Variants in KALRN observed in about 807,000 individuals in gnomAD.
KALRN encodes the protein kalirin.
A neutral mutation model predicts 353.7 loss-of-function variants in KALRN; 70 were observed. The ratio of observed to expected loss-of-function variants is 0.20; its 90% CI spans 0.16 to 0.24. The LOEUF (loss-of-function observed/expected upper bound fraction) is 0.24. Ranked by LOEUF, KALRN falls within the 10% of genes least tolerant of loss-of-function variation. KALRN has a pLI of 1.00. For synonymous variants in KALRN, 1,391 were observed against 1,434.8 expected, an observed-to-expected ratio of 0.97 and a Z score of 0.69; for missense variants, 2,791 against 3,756.7, an observed-to-expected ratio of 0.74 and a Z score of 6.72.
chr3:124,297,991 T>C (rs72976536), intron 5 of KALRN, among the ~76,000 whole-genome samples: 1,968 of 152,358 alleles, frequency 0.013, 47 homozygotes, highest in African/African-American at 0.043. Context: ...CCTCATGTTT[T>C]ATTGTACTAA....
At chr3:124,586,477 C>T (rs558039374) in intron 34 of KALRN, among the ~76,000 whole-genome samples, 2 of 152,302 alleles carry the variant, frequency 1.3e-5, no homozygotes, top group East Asian at 3.9e-4. Flanking sequence ...GTCTTGCTGG[C>T]CCTTGCTTTG....
intron 1 of KALRN, among the ~76,000 whole-genome samples, chr3:124,056,730 G>A (rs543071498): frequency 1.5e-3 from 225 of 152,260 alleles, no homozygotes; most frequent in African/African-American, 4.7e-3. Flanking sequence ...AAATCCAGCC[G>A]CAACAAACCT....
chr3:124,657,745 C>A lies in KALRN; in HGVS notation c.5978C>A (p.Ala1993Glu), dbSNP rs138911697. The A allele has an allele frequency of 5.0e-6, 8 of 1,612,868 alleles. No homozygotes were observed. Among genetic ancestry groups the A allele is most frequent in the Non-Finnish European group, 6.8e-6 (8 of 1,178,988 alleles). The stretch of plus-strand genomic sequence containing the variant: ...CTTTCTCCTTTTAGTTTTTTCCTGG[C>A]GGAACTGGAAAAGTGTATCCAGGAG... The part of the protein sequence containing the change: ...IYDWHKDFFL[A>E]ELEKCIQEQD... The change falls in exon 41 of 60, where the codon GCG becomes GAG. Residue 1993 changes from alanine (A) to glutamate (E), a missense_variant. Physicochemically the swap from Ala to Glu is moderately radical, Grantham distance 107. Coordinates refer to ENST00000682506, the MANE Select transcript of KALRN (RefSeq NM_001388419.1).
At chr3:124,385,118 AC>A in intron 11 of KALRN, 82 bp downstream of exon 11, 1 of 1,266,306 alleles carries the variant, frequency 7.9e-7, no homozygotes, top group Non-Finnish European at 1.1e-6. Flanking sequence ...TGAAGGTCTG[AC>A]CAGGGTCCTG....
rs1206150219 is a variant in KALRN, at chr3:124,657,428, C to T, written c.5863-20C>T. 3.2e-6 allele frequency: 5 copies of T among 1,563,180 alleles called. No individual in the cohort carries two copies. In the Admixed American group the frequency reaches 5.0e-5, roughly 16 times the overall value. ...TTTCCTGTGAAAATATGCTACTAAC[C>T]ATTGCCTTTGCTGCTGCAGGGCTTC... On this transcript the variant is annotated intron_variant, in intron 39 of 59. Transcript: ENST00000682506.
intron 1 of KALRN, among the ~76,000 whole-genome samples, chr3:124,051,046 T>A (rs1203673491): frequency 6.6e-6 from 1 of 152,198 alleles, no homozygotes; most frequent in Non-Finnish European, 1.5e-5. Flanking sequence ...AAGAAAGGTT[T>A]AGAAATGAGG....
At chr3:124,521,515 C>T (rs1360344953) in intron 33 of KALRN, among the ~76,000 whole-genome samples, 1 of 152,150 alleles carries the variant, frequency 6.6e-6, no homozygotes, top group Non-Finnish European at 1.5e-5. Flanking sequence ...AACTGTTTTC[C>T]CTACCCTAAT....
At chr3:124,105,523 C>A (rs753215256) in intron 1 of KALRN, among the ~76,000 whole-genome samples, 2 of 151,972 alleles carry the variant, frequency 1.3e-5, no homozygotes, top group Non-Finnish European at 2.9e-5. Flanking sequence ...AAGAGAGATA[C>A]GAAGAGTATT....
At chr3:124,569,206 A>G (rs558253252) in intron 34 of KALRN, among the ~76,000 whole-genome samples, 1 of 152,064 alleles carries the variant, frequency 6.6e-6, no homozygotes, top group South Asian at 2.1e-4. Flanking sequence ...TCTAGAGGAG[A>G]GGGACAGTGG....
At chr3:124,634,842 C>T (rs1036699701) in intron 36 of KALRN, among the ~76,000 whole-genome samples, 3 of 152,172 alleles carry the variant, frequency 2.0e-5, no homozygotes, top group African/African-American at 7.2e-5. Flanking sequence ...GATGTGGCAG[C>T]TTGTCTACCT....
chr3:124,693,046 G>C (rs2061893864), intron 51 of KALRN, among the ~76,000 whole-genome samples: 1 of 152,332 alleles, frequency 6.6e-6, no homozygotes, highest in Non-Finnish European at 1.5e-5. Flanking sequence ...TATATACCAA[G>C]AGCCCTATCA....
intron 34 of KALRN, among the ~76,000 whole-genome samples, chr3:124,601,844 A>C (rs1028707874): frequency 5.5e-5 from 8 of 146,586 alleles, no homozygotes; most frequent in African/African-American, 2.0e-4. Flanking sequence ...AGCCTAGGCA[A>C]CATGGCGAAA....
At chr3:124,256,648 C>A (rs1166769301) in intron 3 of KALRN, among the ~76,000 whole-genome samples, 2 of 152,026 alleles carry the variant, frequency 1.3e-5, no homozygotes, top group Non-Finnish European at 2.9e-5. Flanking sequence ...CCTCACACAC[C>A]CACCCACCCA....
intron 10 of KALRN, among the ~76,000 whole-genome samples, chr3:124,368,289 C>T (rs1235128193): frequency 6.8e-6 from 1 of 147,308 alleles, no homozygotes; most frequent in Non-Finnish European, 1.5e-5. Flanking sequence ...GGCGGAGACG[C>T]TCCTCACTTC....
At chr3:124,645,936 C>T (rs1269042253) in intron 37 of KALRN, among the ~76,000 whole-genome samples, 3 of 152,080 alleles carry the variant, frequency 2.0e-5, no homozygotes, top group Non-Finnish European at 2.9e-5. Context: ...ACCAGGGCTC[C>T]CTTTTATTCA....
chr3:124,100,417 G>A (rs530458528), intron 1 of KALRN: 46 of 152,232 alleles, frequency 3.0e-4, no homozygotes, highest in African/African-American at 1.1e-3. Flanking sequence ...TTGGGAAAAG[G>A]ACATCCTTTT....
chr3:124,552,602 C>T (rs1196673691), intron 33 of KALRN, among the ~76,000 whole-genome samples: 1 of 152,182 alleles, frequency 6.6e-6, no homozygotes, highest in African/African-American at 2.4e-5. Context: ...ATAGGAAGAG[C>T]AGAAAGTCAC....
chr3:124,717,502 C>T lies in KALRN; in HGVS notation c.8415+117C>T, dbSNP rs564524050. 65 of 540,138 alleles carry T rather than the reference C, an allele frequency of 1.2e-4. 1 individual carries two copies. Among genetic ancestry groups the T allele is most frequent in the African/African-American group, 3.3e-4 (17 of 51,482 alleles). The allele number at this position is 540,138 out of a possible 1,614,324, so 33.5% of individuals were successfully genotyped here. On this transcript the variant is annotated intron_variant, in intron 59 of 59. Coordinates refer to ENST00000682506, the MANE Select transcript of KALRN (RefSeq NM_001388419.1). ...GAGATCGAGACCATCCTGGCTGACACGGTGAAACCCCGTCTCTACTAAAAA... is the reference window on the plus strand; with the variant it reads ...GAGATCGAGACCATCCTGGCTGACATGGTGAAACCCCGTCTCTACTAAAAA...
intron 3 of KALRN, among the ~76,000 whole-genome samples, chr3:124,242,233 A>G (rs2080550243): frequency 6.6e-6 from 1 of 152,210 alleles, no homozygotes; most frequent in South Asian, 2.1e-4. Flanking sequence ...AAAAGTAACA[A>G]CTAGCATTTA....
Sources: allele counts gnomAD v4.1 joint callset (sites outside exome capture counted in the v4.1 genomes callset), GRCh38; gene constraint gnomAD v4.1.1; transcripts MANE v1.5; gene names NCBI Gene and HGNC (gene_info 2026-07-23, HGNC 2026-07-21).